NPM3: variants seen among roughly 807,000 people sequenced by gnomAD.
NPM3 encodes nucleophosmin/nucleoplasmin 3.
In NPM3, 12 loss-of-function variants were observed where a neutral mutation model predicts 18.1. The ratio of observed to expected loss-of-function variants is 0.66; its 90% CI spans 0.42 to 1.07. The LOEUF (loss-of-function observed/expected upper bound fraction) is 1.07, where lower values mean the gene tolerates loss of function less well. Among genes scored for constraint, NPM3 ranks in the 50% least tolerant of loss-of-function variants. The pLI is 0.00. For missense variants in NPM3, 274 were observed against 232.1 expected, an observed-to-expected ratio of 1.18 and a Z score of -1.17; for synonymous variants, 116 against 93.7, an observed-to-expected ratio of 1.24 and a Z score of -1.38.
In NPM3 at chr10:101,782,342, C is replaced by T. The variant is rs370768734; in HGVS notation, c.334G>A (p.Asp112Asn). 105 of 1,613,694 alleles carry T rather than the reference C, an allele frequency of 6.5e-5. No homozygotes were observed. The highest frequency in any genetic ancestry group is 8.3e-5 in the Non-Finnish European group (98 of 1,179,910). Reference sequence around the variant, plus strand: ...ACAGGTGGTTGGAGCTGGAAGTCATCCAGACTGAGCTGGGAGGAAGACAAG... The same window carrying T: ...ACAGGTGGTTGGAGCTGGAAGTCATTCAGACTGAGCTGGGAGGAAGACAAG... The change falls in exon 4 of 6, where the codon GAT (aspartate) becomes AAT (asparagine). Residue 112 changes from aspartate to asparagine, a missense_variant. By Grantham distance (23) the Asp-to-Asn change is conservative (BLOSUM62 1). Transcript: ENST00000370110.
At chr10:101,781,546 C>T (rs1589817161) in exon 6 of NPM3, 1 of 303,866 alleles carries the variant, frequency 3.3e-6, no homozygotes, top group East Asian at 8.5e-5. Context: ...CCCACCCAAG[C>T]TCTCCTCTTC....
At chr10:101,781,683 T>C in intron 5 of NPM3, 44 bp downstream of exon 5, 1 of 1,601,960 alleles carries the variant, frequency 6.2e-7, no homozygotes. Context: ...CTGCTTCTCC[T>C]GCCCCTTCCC....
chr10:101,783,066 G>C, intron 1 of NPM3, 142 bp from the exon 2 acceptor site: 2 of 834,346 alleles, frequency 2.4e-6, no homozygotes, highest in Non-Finnish European at 1.9e-6. Flanking sequence ...AGAACACCTG[G>C]GACGCTCTGC....
In NPM3 at chr10:101,782,467, G is replaced by A. The variant is rs1564635614; in HGVS notation, c.324+11C>T. On this transcript the variant is annotated intron_variant, in intron 3 of 5. Transcript: ENST00000370110. ...CCACCACCACCACCAAGGCAGAGCT[G>A]GGGAACTCACCATGGGTTGGCAGGA... The A allele has an allele frequency of 6.2e-7, 1 of 1,609,046 alleles. No individual in the cohort carries two copies. Among genetic ancestry groups the A allele is most frequent in the Non-Finnish European group, 8.5e-7 (1 of 1,177,472 alleles).
chr10:101,782,613 A>G lies in NPM3; in HGVS notation c.205-16T>C. ...TGAGGCAGAGCTGGGAACGGTACAC[A>G]GGGCCTCAGGGTCTCCTCAAGTGAG... On this transcript the variant is annotated splice_polypyrimidine_tract_variant and intron_variant, in intron 2 of 5. Transcript: ENST00000370110. The G allele has an allele frequency of 6.2e-7, 1 of 1,613,244 alleles. No individual in the cohort carries two copies. Among genetic ancestry groups the G allele is most frequent in the Non-Finnish European group, 8.5e-7 (1 of 1,179,952 alleles).
intron 2 of NPM3, 51 bp from the exon 3 acceptor site, chr10:101,782,648 C>G: frequency 6.2e-7 from 1 of 1,610,858 alleles, no homozygotes; most frequent in Non-Finnish European, 8.5e-7. Context: ...GGGTTGACAC[C>G]ACAACTAAAG....
chr10:101,783,236 C>T (rs2065157270), intron 1 of NPM3, 37 bp downstream of exon 1: 1 of 1,460,576 alleles, frequency 6.8e-7, no homozygotes, highest in Non-Finnish European at 9.5e-7. Flanking sequence ...CCTCTTACCG[C>T]CCCAGTACCA....
At chr10:101,782,522 T>G in exon 3 of NPM3, 4 of 1,613,892 alleles carry the variant, frequency 2.5e-6, no homozygotes, top group Non-Finnish European at 3.4e-6. Context: ...GGGACTGCGA[T>G]CTCCTGATGG....
chr10:101,783,148 C>G, intron 1 of NPM3, 125 bp downstream of exon 1: 1 of 880,634 alleles, frequency 1.1e-6, no homozygotes. Flanking sequence ...GAGGCCCCCT[C>G]TCCTGCGGGA....
chr10:101,781,404 A>C (rs1040605438), exon 6 of NPM3: 1 of 359,400 alleles, frequency 2.8e-6, no homozygotes, highest in African/African-American at 2.1e-5. Context: ...TCTGAGCTTC[A>C]GGCACTAACC....
exon 4 of NPM3, chr10:101,782,328 G>A: frequency 1.2e-6 from 2 of 1,613,970 alleles, no homozygotes; most frequent in Non-Finnish European, 1.7e-6. Context: ...CAGGTGGTTG[G>A]AGCTGGAAGT....
At chr10:101,783,334 C>A (rs1450462008) in exon 1 of NPM3, 1 of 1,613,158 alleles carries the variant, frequency 6.2e-7, no homozygotes. Context: ...CACCCCCGGC[C>A]CGCGTTCGGC....
exon 6 of NPM3, chr10:101,781,600 G>A: frequency 2.9e-6 from 2 of 684,272 alleles, no homozygotes; most frequent in Non-Finnish European, 4.5e-6. Context: ...CAGGGAACAG[G>A]GTGCATGGCG....
intron 4 of NPM3, 133 bp downstream of exon 4, chr10:101,782,125 G>C (rs1408752200): frequency 1.1e-6 from 1 of 915,298 alleles, no homozygotes; most frequent in Non-Finnish European, 1.7e-6. Context: ...ACAGGGCACA[G>C]CGTGGAGGGC....
chr10:101,781,623 T>C (rs976669897), exon 6 of NPM3: 17 of 1,080,992 alleles, frequency 1.6e-5, no homozygotes, highest in Non-Finnish European at 2.1e-5. Context: ...GCATGGCACA[T>C]GGAGCTGACC....
chr10:101,781,823 C>T, exon 5 of NPM3: 1 of 1,614,154 alleles, frequency 6.2e-7, no homozygotes, highest in Non-Finnish European at 8.5e-7. Context: ...CTTCCTCGCT[C>T]TCCTCCTCAG....
exon 4 of NPM3, chr10:101,782,266 T>G (rs2065146973): frequency 6.2e-7 from 1 of 1,613,538 alleles, no homozygotes; most frequent in East Asian, 2.2e-5. Context: ...ACCAATCTGG[T>G]GCCGCCCAGT....
chr10:101,783,229 C>T, intron 1 of NPM3, 44 bp downstream of exon 1: 1 of 1,408,472 alleles, frequency 7.1e-7, no homozygotes, highest in Non-Finnish European at 9.8e-7. Flanking sequence ...ATCCCTACCT[C>T]TTACCGCCCC....
At chr10:101,782,433 TCACCAC>T (rs561586403) in intron 3 of NPM3, 39 bp downstream of exon 3, 1 of 1,600,118 alleles carries the variant, frequency 6.2e-7, no homozygotes. Flanking sequence ...CTCAATCCCC[TCACCAC>T]CACCACCACC....
Sources: gnomAD v4.1 joint callset for allele counts on GRCh38, gnomAD v4.1.1 for gene constraint, MANE v1.5 for transcripts, NCBI Gene and HGNC (gene_info 2026-07-23, HGNC 2026-07-21) for gene names.